Variants in COMMD1 observed in about 807,000 individuals in gnomAD.
COMMD1 encodes the protein COMM domain-containing protein 1.
COMMD1 carries 10 observed loss-of-function variants against 17.2 expected under a neutral mutation model. That is an observed-to-expected ratio of 0.58 (90% CI 0.36 to 0.99). COMMD1 has a LOEUF of 0.99. COMMD1 is among the 50% of genes least tolerant of loss of function. The probability of loss-of-function intolerance (pLI) is 0.01; values close to 1 mark genes in which losing one functional copy is unlikely to be tolerated. For missense variants in COMMD1, 270 were observed against 231.8 expected (o/e 1.17, Z -1.07); for synonymous variants, 97 against 91.6 (o/e 1.06, Z -0.34).
chr2:61,980,894 T>TTTGATGATC (rs1449124728), intron 1 of COMMD1, among the ~76,000 whole-genome samples: 1 of 152,242 alleles, frequency 6.6e-6, no homozygotes, highest in Non-Finnish European at 1.5e-5. Flanking sequence ...TTTGCATTTC[T>TTTGATGATC]TTGATGATCA....
intron 2 of COMMD1, among the ~76,000 whole-genome samples, chr2:62,013,293 CTG>C (rs1669339376): frequency 6.6e-6 from 1 of 151,624 alleles, no homozygotes. Context: ...AAAAGAAAAA[CTG>C]TTATCCTTCA....
chr2:62,126,308 A>T (rs746054397), intron 2 of COMMD1, among the ~76,000 whole-genome samples: 6 of 152,126 alleles, frequency 3.9e-5, no homozygotes, highest in Non-Finnish European at 7.4e-5. Context: ...TGCTGGGTCA[A>T]ATGGTATTTC....
At chr2:61,902,324 G>T (rs747879327), upstream of COMMD1, among the ~76,000 whole-genome samples, 1 of 151,718 alleles carries the variant, frequency 6.6e-6, no homozygotes, top group Non-Finnish European at 1.5e-5. Flanking sequence ...TGCCCAAGAT[G>T]GTGAAACCTT....
intron 1 of COMMD1, among the ~76,000 whole-genome samples, chr2:61,898,948 T>C (rs1442626722): frequency 6.6e-6 from 1 of 152,210 alleles, no homozygotes; most frequent in Non-Finnish European, 1.5e-5. Context: ...TTGAAAGCCA[T>C]TCTAAAAATG....
At chr2:62,033,439 A>G (rs1233179929) in intron 2 of COMMD1, among the ~76,000 whole-genome samples, 1 of 152,192 alleles carries the variant, frequency 6.6e-6, no homozygotes, top group Non-Finnish European at 1.5e-5. Flanking sequence ...GAGAACAGAA[A>G]AATATCTTTT....
intron 1 of COMMD1, among the ~76,000 whole-genome samples, chr2:61,979,644 T>C (rs571805412): frequency 3.9e-5 from 6 of 152,296 alleles, no homozygotes; most frequent in African/African-American, 1.2e-4. Context: ...CTGTTTTCCA[T>C]AGTGGTTGTA....
intron 2 of COMMD1, among the ~76,000 whole-genome samples, chr2:62,054,213 C>T (rs1424071759): frequency 6.6e-6 from 1 of 152,090 alleles, no homozygotes; most frequent in East Asian, 1.9e-4. Flanking sequence ...CAGATGTTGG[C>T]AAGGGACTCT....
Position 62,029,943 on chromosome 2 carries a change from G to C in COMMD1, c.462+28961G>C, listed in dbSNP as rs149585031. ...ACATTTGTTTAACGTGTATACACGA[G>C]AGCCTTCAGAACAAAGATCCAAAGA... is the stretch of plus-strand genomic sequence containing the variant. On this transcript the variant is annotated intron_variant, in intron 2 of 2. Transcript: ENST00000311832. Among the ~76,000 whole-genome samples the C allele has an allele frequency of 3.3e-3, 504 of 152,356 alleles. 1 individual carries two copies. The highest frequency in any genetic ancestry group is 5.8e-3 in the Non-Finnish European group (397 of 68,036).
At chr2:62,002,973 C>T (rs1478232872) in intron 2 of COMMD1, among the ~76,000 whole-genome samples, 1 of 152,214 alleles carries the variant, frequency 6.6e-6, no homozygotes, top group African/African-American at 2.4e-5. Flanking sequence ...TGGCTCACGC[C>T]TGTAATCCCA....
chr2:61,902,344 A>G (rs1669674373), upstream of COMMD1, among the ~76,000 whole-genome samples: 1 of 151,776 alleles, frequency 6.6e-6, no homozygotes, highest in Non-Finnish European at 1.5e-5. Flanking sequence ...TGTCTCTACT[A>G]AAAATACAAA....
chr2:61,964,346 T>C (rs1240786781), intron 1 of COMMD1, among the ~76,000 whole-genome samples: 2 of 152,070 alleles, frequency 1.3e-5, no homozygotes, highest in Non-Finnish European at 2.9e-5. Context: ...TCATACTCTC[T>C]AGTAACTGGG....
intron 1 of COMMD1, among the ~76,000 whole-genome samples, chr2:61,924,326 G>A (rs1383394331): frequency 6.6e-6 from 1 of 151,674 alleles, no homozygotes; most frequent in East Asian, 1.9e-4. Context: ...TGCTGGGCGT[G>A]TTGGGCTTGA....
At chr2:61,891,028 C>T (rs1669417702) in intron 1 of COMMD1, among the ~76,000 whole-genome samples, 1 of 152,144 alleles carries the variant, frequency 6.6e-6, no homozygotes, top group South Asian at 2.1e-4. Flanking sequence ...ATGTAAAATA[C>T]TGGATTTGAG....
chr2:61,998,246 C>CTT lies in COMMD1; in HGVS notation c.181-2436_181-2435dup, dbSNP rs71410912. ...ATCAGCAATAAGGCTGTTGTGCTTTCTTTTTTTTTTTTTTTTTTTTGTTTG... is the reference window on the plus strand; with the variant it reads ...ATCAGCAATAAGGCTGTTGTGCTTTCTTTTTTTTTTTTTTTTTTTTTTGTTTG... On this transcript the variant is annotated intron_variant, in intron 1 of 2. Transcript: ENST00000311832. Among the ~76,000 whole-genome samples, 391 of 126,468 alleles carry CTT rather than the reference C, an allele frequency of 3.1e-3. 2 individuals carry two copies. Among genetic ancestry groups the CTT allele is most frequent in the African/African-American group, 7.6e-3 (259 of 34,206 alleles). 83.0% of individuals were successfully genotyped at this position (126,468 alleles called of 152,430 possible).
At chr2:61,916,135 T>C (rs1278013611) in intron 1 of COMMD1, among the ~76,000 whole-genome samples, 5 of 152,032 alleles carry the variant, frequency 3.3e-5, no homozygotes, top group Non-Finnish European at 7.4e-5. Flanking sequence ...AAATTTTTTG[T>C]ATTTCTTTGT....
intron 1 of COMMD1, among the ~76,000 whole-genome samples, chr2:61,944,664 C>T (rs575558452): frequency 3.3e-5 from 5 of 152,204 alleles, no homozygotes; most frequent in Admixed American, 2.6e-4. Flanking sequence ...TCTGGCATCT[C>T]CAAAAGTCAG....
At chr2:61,946,867 C>A (rs1021225805) in intron 1 of COMMD1, among the ~76,000 whole-genome samples, 4 of 152,116 alleles carry the variant, frequency 2.6e-5, no homozygotes, top group African/African-American at 4.8e-5. Context: ...TCTTAAACAA[C>A]TACAAAAACA....
At chr2:61,896,576 G>GA (rs1212675054) in intron 1 of COMMD1, among the ~76,000 whole-genome samples, 3 of 151,956 alleles carry the variant, frequency 2.0e-5, no homozygotes, top group African/African-American at 7.3e-5. Flanking sequence ...CCCTATCTCA[G>GA]AAAAAAACAA....
At chr2:61,983,875 T>A (rs1324412389) in intron 1 of COMMD1, among the ~76,000 whole-genome samples, 3 of 152,204 alleles carry the variant, frequency 2.0e-5, no homozygotes, top group Non-Finnish European at 4.4e-5. Context: ...CTACTGACTT[T>A]GGGTTTGGTT....
Sources: gnomAD v4.1 joint callset for allele counts (sites outside exome capture counted in the v4.1 genomes callset) on GRCh38, gnomAD v4.1.1 for gene constraint, MANE v1.5 for transcripts, NCBI Gene and HGNC (gene_info 2026-07-23, HGNC 2026-07-21) for gene names.